PCCA: variants seen among roughly 807,000 people sequenced by gnomAD.
PCCA encodes propionyl-CoA carboxylase alpha chain, mitochondrial.
PCCA carries 74 observed loss-of-function variants against 101.3 expected under a neutral mutation model. The observed-to-expected ratio is 0.73, with a 90% CI of 0.61 to 0.89. The LOEUF is 0.89. Among genes scored for constraint, PCCA ranks in the 40% least tolerant of loss-of-function variants. PCCA has a pLI of 0.00. For synonymous variants in PCCA, 294 were observed against 313.6 expected (o/e 0.94, Z 0.66); for missense variants, 891 against 907.0 (o/e 0.98, Z 0.23).
chr13:100,453,752 G>A (rs1056684430), intron 21 of PCCA, among the ~76,000 whole-genome samples: 1 of 151,900 alleles, frequency 6.6e-6, no homozygotes, highest in South Asian at 2.1e-4. Context: ...AAACATGCTA[G>A]CATAAAAAAA....
intron 18 of PCCA, among the ~76,000 whole-genome samples, chr13:100,343,002 T>C (rs902720477): frequency 6.6e-6 from 1 of 152,118 alleles, no homozygotes; most frequent in Non-Finnish European, 1.5e-5. Context: ...GCTGGAATTA[T>C]AGACCTGAGC....
At chr13:100,112,120 T>G in intron 4 of PCCA, 59 bp downstream of exon 4, 1 of 1,220,060 alleles carries the variant, frequency 8.2e-7, no homozygotes, top group South Asian at 1.2e-5. Flanking sequence ...GCAGAAAAAG[T>G]GAGACATACA....
chr13:100,277,435 T>G (rs1342408998), intron 12 of PCCA, among the ~76,000 whole-genome samples: 1 of 152,180 alleles, frequency 6.6e-6, no homozygotes, highest in Non-Finnish European at 1.5e-5. Context: ...CCTTCCTATA[T>G]TCTTACCCTG....
At chr13:100,503,178 G>A (rs2085806351) in intron 21 of PCCA, among the ~76,000 whole-genome samples, 1 of 152,220 alleles carries the variant, frequency 6.6e-6, no homozygotes, top group African/African-American at 2.4e-5. Flanking sequence ...AAGCAGGTAC[G>A]AGGAAAAATA....
At chr13:100,475,007 A>G (rs1173066578) in intron 21 of PCCA, among the ~76,000 whole-genome samples, 1 of 152,040 alleles carries the variant, frequency 6.6e-6, no homozygotes, top group Non-Finnish European at 1.5e-5. Flanking sequence ...GTTTCATTCA[A>G]TATTTGGGAC....
chr13:100,220,426 A>T (rs1464283172), intron 7 of PCCA, among the ~76,000 whole-genome samples: 4 of 132,502 alleles, frequency 3.0e-5, no homozygotes, highest in South Asian at 2.5e-4. Flanking sequence ...TGCCTGACTA[A>T]TTTTTTTTTT....
At chr13:100,453,824 C>T (rs8001633) in intron 21 of PCCA, among the ~76,000 whole-genome samples, 15,773 of 111,648 alleles carry the variant, frequency 0.14, 1,368 homozygotes, top group African/African-American at 0.32. Flanking sequence ...CAAAAGTCAC[C>T]GGAAAAAAGG....
At chr13:100,194,708 T>C (rs953868234) in intron 6 of PCCA, among the ~76,000 whole-genome samples, 5 of 152,172 alleles carry the variant, frequency 3.3e-5, no homozygotes, top group Admixed American at 6.5e-5. Context: ...CGTGAGCCAC[T>C]GCGCCCGGCC....
At chr13:100,181,135 CAGAATA>C (rs67693289) in intron 6 of PCCA, among the ~76,000 whole-genome samples, 204 of 152,198 alleles carry the variant, frequency 1.3e-3, no homozygotes, top group Non-Finnish European at 2.5e-3. Flanking sequence ...AGCTGACTTA[CAGAATA>C]AGGCAGATCT....
At chr13:100,266,950 T>G in intron 10 of PCCA, among the ~76,000 whole-genome samples, 1 of 152,228 alleles carries the variant, frequency 6.6e-6, no homozygotes, top group East Asian at 1.9e-4. Flanking sequence ...TAACTTCCCT[T>G]AAAAGCAGTA....
intron 21 of PCCA, among the ~76,000 whole-genome samples, chr13:100,456,097 G>C (rs919251535): frequency 6.6e-6 from 1 of 152,202 alleles, no homozygotes; most frequent in Non-Finnish European, 1.5e-5. Context: ...ATTTTTGCCA[G>C]TGTGAATAGT....
chr13:100,351,888 G>A (rs1356323259), intron 18 of PCCA, among the ~76,000 whole-genome samples: 2 of 152,114 alleles, frequency 1.3e-5, no homozygotes, highest in African/African-American at 2.4e-5. Context: ...AATAAATCCT[G>A]TGATATTTGG....
Position 100,515,692 on chromosome 13 carries a change from A to G in PCCA, c.2040+125A>G, listed in dbSNP as rs935086772. 6 of 1,103,908 alleles carry G rather than the reference A, an allele frequency of 5.4e-6. No homozygotes were observed. The Admixed American group carries it at 8.7e-5, about 16-fold the overall frequency. 68.4% of individuals were successfully genotyped at this position (1,103,908 alleles called of 1,614,324 possible). ...CTTACTTAACCGACGCCCCCTAAAC[A>G]GCAAAATCGATTGCGTGTGTTGTCG... On this transcript the variant is annotated intron_variant, in intron 22 of 23. Transcript: ENST00000376285.
intron 4 of PCCA, among the ~76,000 whole-genome samples, chr13:100,142,528 G>C (rs1202877512): frequency 6.7e-6 from 1 of 148,206 alleles, no homozygotes; most frequent in African/African-American, 2.5e-5. Flanking sequence ...AGGCTGGCGT[G>C]CAGTGGCATG....
intron 2 of PCCA, among the ~76,000 whole-genome samples, chr13:100,106,207 T>C (rs904726198): frequency 6.6e-6 from 1 of 152,134 alleles, no homozygotes; most frequent in African/African-American, 2.4e-5. Context: ...GAAGTTAAGA[T>C]TCCACTGAAC....
At chr13:100,505,895 T>A (rs2086037867) in intron 21 of PCCA, among the ~76,000 whole-genome samples, 1 of 150,000 alleles carries the variant, frequency 6.7e-6, no homozygotes, top group Non-Finnish European at 1.5e-5. Context: ...CACTCTTTCA[T>A]TCTGAACAAC....
intron 21 of PCCA, among the ~76,000 whole-genome samples, chr13:100,478,375 C>G (rs1200726171): frequency 6.6e-6 from 1 of 152,208 alleles, no homozygotes; most frequent in East Asian, 1.9e-4. Flanking sequence ...TCAGCCTGCT[C>G]TGGCGAGTGT....
chr13:100,247,667 C>G (rs550357430), intron 8 of PCCA, among the ~76,000 whole-genome samples: 129 of 152,048 alleles, frequency 8.5e-4, no homozygotes, highest in Non-Finnish European at 1.5e-3. Context: ...GTGCCTGCCA[C>G]CACACCTGGC....
intron 18 of PCCA, among the ~76,000 whole-genome samples, chr13:100,351,140 A>G (rs1432888762): frequency 6.6e-6 from 1 of 152,214 alleles, no homozygotes; most frequent in East Asian, 1.9e-4. Context: ...AATTGAAACT[A>G]AATCAACACC....
Sources: allele counts gnomAD v4.1 joint callset (sites outside exome capture counted in the v4.1 genomes callset), GRCh38; gene constraint gnomAD v4.1.1; transcripts MANE v1.5; gene names NCBI Gene and HGNC (gene_info 2026-07-23, HGNC 2026-07-21).